The following CD86 variants were observed in gnomAD, a reference collection of about 807,000 sequenced individuals.
The protein encoded by CD86 is CD86 molecule.
Under a neutral mutation model 32.1 loss-of-function variants are expected in CD86, and 11 were observed. The observed-to-expected ratio is 0.34, with a 90% CI of 0.22 to 0.57. The LOEUF (loss-of-function observed/expected upper bound fraction) is 0.57, where lower values mean the gene tolerates loss of function less well. Among genes scored for constraint, CD86 ranks in the 20% least tolerant of loss-of-function variants. The pLI is 0.86. For synonymous variants in CD86, 137 were observed against 135.3 expected (o/e 1.01, Z -0.09); for missense variants, 359 against 398.4 (o/e 0.90, Z 0.84).
At chr3:122,073,227 G>T (rs2072514037) in intron 1 of CD86, among the ~76,000 whole-genome samples, 1 of 150,688 alleles carries the variant, frequency 6.6e-6, no homozygotes, top group African/African-American at 2.4e-5. Context: ...TAGATGTGTA[G>T]TGGTATCTTA....
chr3:122,109,429 C>G, intron 5 of CD86, 21 bp downstream of exon 5: 1 of 1,613,368 alleles, frequency 6.2e-7, no homozygotes, highest in African/African-American at 1.3e-5. Flanking sequence ...CCTTGTCCTC[C>G]CCACAGACTG....
chr3:122,091,487 A>G lies in CD86; in HGVS notation c.15-114A>G, dbSNP rs2072819259. On this transcript the variant is annotated intron_variant, in intron 1 of 6. Transcript: ENST00000330540. Reference sequence around the variant, plus strand: ...GATGAAGCCCTGGCATTGTCTCTGCACACCCGAGAACCCAAGTGAATCCCA... The same window carrying G: ...GATGAAGCCCTGGCATTGTCTCTGCGCACCCGAGAACCCAAGTGAATCCCA... 3.6e-5 allele frequency: 29 copies of G among 800,302 alleles called. No homozygotes were observed. In the East Asian group the frequency reaches 7.1e-4, roughly 20 times the overall value. The allele number at this position is 800,302 out of a possible 1,614,324, so 49.6% of individuals were successfully genotyped here. A position where few individuals can be genotyped will look rare whatever the true frequency, so the allele number is the denominator to read the frequency against.
rs933980698 is a variant in CD86 at position 122,090,853 on chromosome 3, C to T, written c.15-748C>T. On this transcript the variant is annotated intron_variant, in intron 1 of 6. Coordinates refer to ENST00000330540, the MANE Select transcript of CD86 (RefSeq NM_175862.5). ...TAGATTAAGTGAATTGCTCTCAAAG[C>T]GTGGTCCTTAGGCCGGCAGCATTGT... 5.3e-5 allele frequency among the ~76,000 whole-genome samples: 8 copies of T among 152,156 alleles called. No homozygotes were observed. The East Asian group carries it at 9.6e-4, about 18-fold the overall frequency.
At chr3:122,079,134 A>G (rs1275589012) in intron 1 of CD86, among the ~76,000 whole-genome samples, 2 of 152,244 alleles carry the variant, frequency 1.3e-5, no homozygotes, top group African/African-American at 4.8e-5. Context: ...CATTAATTTA[A>G]TCACACTAAA....
At chr3:122,104,245 C>T (rs1398232225) in intron 3 of CD86, among the ~76,000 whole-genome samples, 1 of 152,150 alleles carries the variant, frequency 6.6e-6, no homozygotes, top group Non-Finnish European at 1.5e-5. Flanking sequence ...TTTTCACCTA[C>T]TAAATCTTTG....
intron 1 of CD86, among the ~76,000 whole-genome samples, chr3:122,087,193 T>C (rs1320322883): frequency 6.6e-6 from 1 of 152,214 alleles, no homozygotes; most frequent in African/African-American, 2.4e-5. Flanking sequence ...TCCATTTACA[T>C]GGAGGCTCCT....
At chr3:122,062,587 T>C (rs2072355362) in intron 1 of CD86, among the ~76,000 whole-genome samples, 1 of 152,188 alleles carries the variant, frequency 6.6e-6, no homozygotes, top group African/African-American at 2.4e-5. Flanking sequence ...AGGTAGCTGT[T>C]TCCTATTTGT....
chr3:122,090,192 T>C (rs533294130), intron 1 of CD86, among the ~76,000 whole-genome samples: 1 of 152,014 alleles, frequency 6.6e-6, no homozygotes, highest in Non-Finnish European at 1.5e-5. Flanking sequence ...CAAAAATATT[T>C]ATTAAAAAAA....
At chr3:122,056,874 T>C (rs1384429064) in intron 1 of CD86, among the ~76,000 whole-genome samples, 1 of 152,238 alleles carries the variant, frequency 6.6e-6, no homozygotes, top group East Asian at 1.9e-4. Context: ...TTAATTATGC[T>C]AGCACTGTCT....
chr3:122,119,341 C>T (rs993593422), intron 6 of CD86, 97 bp from the exon 7 acceptor site: 3 of 745,358 alleles, frequency 4.0e-6, no homozygotes, highest in African/African-American at 3.6e-5. Context: ...CATTGCTGTT[C>T]CAATGGCAAC....
intron 1 of CD86, among the ~76,000 whole-genome samples, chr3:122,066,580 A>C (rs1195962708): frequency 6.6e-6 from 1 of 152,180 alleles, no homozygotes; most frequent in Non-Finnish European, 1.5e-5. Context: ...CCTCACCTAT[A>C]AATTTTTTAA....
chr3:122,113,924 A>G (rs1041324622), intron 5 of CD86, among the ~76,000 whole-genome samples: 2 of 152,198 alleles, frequency 1.3e-5, no homozygotes, highest in Admixed American at 6.5e-5. Context: ...ATGAGAGGGT[A>G]TAAGGAATTA....
At position 122,098,174 on chromosome 3, in the gene CD86, C is replaced by A. The variant is rs116221238; in HGVS notation, c.65-5338C>A. Among the ~76,000 whole-genome samples, 630 of 152,268 alleles carry A rather than the reference C, an allele frequency of 4.1e-3. 4 individuals are homozygous for A. The highest frequency in any genetic ancestry group is 0.014 in the African/African-American group (590 of 41,554). On this transcript the variant is annotated intron_variant, in intron 2 of 6. Transcript: ENST00000330540. ...GAGAGACAGACAATAACCAAACATA[C>A]CGTGTCATGTCATGTCATGATAAGT...
chr3:122,104,368 G>A (rs1158626115), intron 3 of CD86, among the ~76,000 whole-genome samples: 1 of 151,984 alleles, frequency 6.6e-6, no homozygotes, highest in Non-Finnish European at 1.5e-5. Flanking sequence ...TAGACAGAAG[G>A]GAAAAAAACC....
chr3:122,079,917 T>G (rs2072607660), intron 1 of CD86, among the ~76,000 whole-genome samples: 1 of 152,098 alleles, frequency 6.6e-6, no homozygotes. Flanking sequence ...ACCTAATGCC[T>G]AATGGCTTAA....
intron 6 of CD86, among the ~76,000 whole-genome samples, chr3:122,119,153 C>A (rs1278777675): frequency 6.6e-6 from 1 of 152,214 alleles, no homozygotes; most frequent in Non-Finnish European, 1.5e-5. Flanking sequence ...CCCTGTCACA[C>A]TCAGTTTCAG....
At chr3:122,080,310 C>T (rs1260301466) in intron 1 of CD86, among the ~76,000 whole-genome samples, 5 of 152,094 alleles carry the variant, frequency 3.3e-5, no homozygotes, top group African/African-American at 1.2e-4. Flanking sequence ...AAAAATCGTT[C>T]TCAAATTCAT....
intron 1 of CD86, among the ~76,000 whole-genome samples, chr3:122,067,041 C>A (rs2072423745): frequency 6.6e-6 from 1 of 151,356 alleles, no homozygotes; most frequent in African/African-American, 2.4e-5. Flanking sequence ...GTAAAGAAGG[C>A]AAAACGTTTT....
Position 122,119,832 on chromosome 3 carries a change from T to G in CD86, c.*298T>G, listed in dbSNP as rs2073315614. 4.5e-6 allele frequency: 1 copy of G among 223,592 alleles called. No individual in the cohort carries two copies. The highest frequency in any genetic ancestry group is 2.3e-5 in the African/African-American group (1 of 44,002). 13.9% of individuals were successfully genotyped at this position (223,592 alleles called of 1,614,324 possible). ...ATTTAGGACCAATACCTCCTCCAGA[T>G]CAGATTCTTCTCTTAATTTCATAGA... On this transcript the variant is annotated 3_prime_UTR_variant, in exon 7 of 7. Transcript: ENST00000330540.
Sources: gnomAD v4.1 joint callset for allele counts (sites outside exome capture counted in the v4.1 genomes callset) on GRCh38, gnomAD v4.1.1 for gene constraint, MANE v1.5 for transcripts, NCBI Gene and HGNC (gene_info 2026-07-23, HGNC 2026-07-21) for gene names.